HDAC9: variants seen among roughly 807,000 people sequenced by gnomAD.
HDAC9 encodes the protein histone deacetylase 9.
A neutral mutation model predicts 139.4 loss-of-function variants in HDAC9; 41 were observed. The observed-to-expected ratio is 0.29, with a 90% CI of 0.23 to 0.38. HDAC9 has a LOEUF of 0.38. Among genes scored for constraint, HDAC9 ranks in the 10% least tolerant of loss-of-function variants. HDAC9 has a pLI of 1.00. For synonymous variants in HDAC9, 517 were observed against 476.2 expected, an observed-to-expected ratio of 1.09 and a Z score of -1.12; for missense variants, 1,147 against 1,297.0, an observed-to-expected ratio of 0.88 and a Z score of 1.78.
chr7:18,509,279 T>G lies in HDAC9; in HGVS notation c.22+12955T>G, dbSNP rs532430564. The G allele has an allele frequency of 5.1e-5, 50 of 985,404 alleles. No individual in the cohort carries two copies. In the South Asian group the frequency reaches 2.2e-3, roughly 43 times the overall value. 61.0% of individuals were successfully genotyped at this position (985,404 alleles called of 1,614,324 possible). On this transcript the variant is annotated intron_variant, in intron 2 of 25. Transcript: ENST00000686413. Reference sequence around the variant, plus strand: ...GTTCTGGAGCTATTTTAATCTCCACTTAACTTCTGCCTTGTGGAAGGGGTG... The same window carrying G: ...GTTCTGGAGCTATTTTAATCTCCACGTAACTTCTGCCTTGTGGAAGGGGTG...
chr7:18,435,973 T>C (rs556670884), intron 1 of HDAC9, among the ~76,000 whole-genome samples: 114 of 149,640 alleles, frequency 7.6e-4, no homozygotes, highest in Middle Eastern at 3.6e-3. Context: ...TACATATATA[T>C]GAAATATATG....
In HDAC9 at chr7:18,568,813, C is replaced by T. The variant is rs192671872; in HGVS notation, c.23-16468C>T. On this transcript the variant is annotated intron_variant, in intron 2 of 25. Transcript: ENST00000686413. ...CTGTAATCCCAGAACTTTGGGAGGC[C>T]GAGGCGGGTGGATCACCTGAGGTTG... 7.0e-3 allele frequency among the ~76,000 whole-genome samples: 1,071 copies of T among 152,030 alleles called. 6 individuals carry two copies. The highest frequency in any genetic ancestry group is 0.02 in the East Asian group (103 of 5,154).
At chr7:18,724,847 T>C (rs1347735805) in intron 12 of HDAC9, among the ~76,000 whole-genome samples, 1 of 152,108 alleles carries the variant, frequency 6.6e-6, no homozygotes, top group Non-Finnish European at 1.5e-5. Context: ...GCTCAAGAAA[T>C]AGTTACTGCA....
At chr7:18,573,255 ATAAT>A (rs1355724142) in intron 2 of HDAC9, among the ~76,000 whole-genome samples, 1 of 152,256 alleles carries the variant, frequency 6.6e-6, no homozygotes, top group African/African-American at 2.4e-5. Context: ...ATCAATTTAA[ATAAT>A]TCTTGTTATA....
chr7:18,884,026 T>C (rs1046637138), intron 22 of HDAC9, among the ~76,000 whole-genome samples: 1 of 152,074 alleles, frequency 6.6e-6, no homozygotes, highest in Non-Finnish European at 1.5e-5. Context: ...AACTATAAAA[T>C]GTTGATGAAA....
rs549761034 is a variant in HDAC9, at chr7:18,607,286, G to A, written c.664+13257G>A. On this transcript the variant is annotated intron_variant, in intron 6 of 25. Coordinates refer to ENST00000686413, the MANE Select transcript of HDAC9 (RefSeq NM_178425.4). The stretch of plus-strand genomic sequence containing the variant: ...AAAATCTAACTCAAATATTTTGCTT[G>A]CAGAAAAGCTAAGGTAGCCTAGAAA... Among the ~76,000 whole-genome samples the A allele has an allele frequency of 2.0e-5, 3 of 152,304 alleles. No individual in the cohort carries two copies. The East Asian group carries it at 5.8e-4, about 29-fold the overall frequency.
At chr7:18,485,667 C>T (rs765411351) in intron 1 of HDAC9, among the ~76,000 whole-genome samples, 5 of 151,740 alleles carry the variant, frequency 3.3e-5, no homozygotes, top group Non-Finnish European at 5.9e-5. Context: ...ATATTGAGTG[C>T]TATTATGTTA....
chr7:18,894,559 G>A (rs1317275507), intron 22 of HDAC9, among the ~76,000 whole-genome samples: 1 of 152,140 alleles, frequency 6.6e-6, no homozygotes, highest in Non-Finnish European at 1.5e-5. Context: ...TTAAAAGCCT[G>A]ATTAGAGGAG....
At chr7:18,357,602 A>C (rs2065021416) in intron 1 of HDAC9, among the ~76,000 whole-genome samples, 1 of 151,684 alleles carries the variant, frequency 6.6e-6, no homozygotes. Context: ...AATTCTAAGA[A>C]AAAAAAGGTC....
rs1043314475 is a variant in HDAC9 at position 18,949,794 on chromosome 7, G to A, written c.2938-4352G>A. ...GGCACCCACTGTGGTGGGAGAGAAGGCGAATGGAGATAAATGACTCCTACT... is the reference window on the plus strand; with the variant it reads ...GGCACCCACTGTGGTGGGAGAGAAGACGAATGGAGATAAATGACTCCTACT... On this transcript the variant is annotated intron_variant, in intron 23 of 25. Transcript: ENST00000686413. The A allele has an allele frequency of 1.5e-4, 23 of 152,000 alleles. 1 individual carries two copies. The highest frequency in any genetic ancestry group is 5.6e-4 in the African/African-American group (23 of 41,410). The allele number at this position is 152,000 out of a possible 1,614,324, so 9.4% of individuals were successfully genotyped here. A position where few individuals can be genotyped will look rare whatever the true frequency, so the allele number is the denominator to read the frequency against.
At chr7:18,297,456 T>A (rs201571557) in intron 1 of HDAC9, among the ~76,000 whole-genome samples, 65 of 152,256 alleles carry the variant, frequency 4.3e-4, no homozygotes, top group Non-Finnish European at 6.2e-4. Context: ...TTGAGTTTGT[T>A]TTATTTTTCT....
chr7:18,859,834 A>ATGTGTGTGTG (rs1797967138), intron 21 of HDAC9, among the ~76,000 whole-genome samples: 2 of 128,096 alleles, frequency 1.6e-5, no homozygotes, highest in Non-Finnish European at 3.4e-5. Flanking sequence ...ATATATATAT[A>ATGTGTGTGTG]TATATATATA....
intron 22 of HDAC9, among the ~76,000 whole-genome samples, chr7:18,880,843 C>G (rs1799682019): frequency 7.2e-6 from 1 of 139,312 alleles, no homozygotes; most frequent in African/African-American, 2.7e-5. Context: ...TAATAGTTGC[C>G]GGGGGGGGGG....
intron 23 of HDAC9, among the ~76,000 whole-genome samples, chr7:18,942,450 A>G (rs1451312185): frequency 6.6e-6 from 1 of 152,052 alleles, no homozygotes; most frequent in Non-Finnish European, 1.5e-5. Context: ...ATGGAATATC[A>G]TAAGGAATTA....
At chr7:18,137,474 A>G (rs960671473) in intron 1 of HDAC9, among the ~76,000 whole-genome samples, 11 of 151,986 alleles carry the variant, frequency 7.2e-5, no homozygotes, top group East Asian at 1.9e-4. Flanking sequence ...TTTGAAATAC[A>G]TCCCATCATT....
At chr7:18,823,699 G>C (rs1585103522) in intron 17 of HDAC9, among the ~76,000 whole-genome samples, 1 of 152,164 alleles carries the variant, frequency 6.6e-6, no homozygotes, top group East Asian at 1.9e-4. Context: ...AGTGGAAGAG[G>C]CCAGGCACAG....
intron 12 of HDAC9, among the ~76,000 whole-genome samples, chr7:18,703,674 A>G (rs531469782): frequency 3.4e-4 from 51 of 152,078 alleles, no homozygotes; most frequent in African/African-American, 1.2e-3. Context: ...TTAGAAAACA[A>G]TGAAGAGAGA....
At position 18,193,388 on chromosome 7, in the gene HDAC9, G is replaced by A. The variant is rs552769006; in HGVS notation, c.25+31039G>A. 3.3e-5 allele frequency among the ~76,000 whole-genome samples: 5 copies of A among 152,256 alleles called. No individual in the cohort carries two copies. The East Asian group carries it at 7.7e-4, about 24-fold the overall frequency. On this transcript the variant is annotated intron_variant, in intron 2 of 12. Transcript: ENST00000417496. ...TTAGTATCAGGTATTTTAAAAGCTA[G>A]CCACTTACTTCCTTCTTTATGATAA...
At position 18,438,102 on chromosome 7, in the gene HDAC9, C is replaced by G; in HGVS notation, c.-41-58160C>G. Among the ~76,000 whole-genome samples, 2 of 149,336 alleles carry G rather than the reference C, an allele frequency of 1.3e-5. 1 individual carries two copies. The highest frequency in any genetic ancestry group is 4.2e-4 in the South Asian group (2 of 4,756). On this transcript the variant is annotated intron_variant, in intron 1 of 3. Transcript: ENST00000413509. ...TATATATAATAAATTTATTAGTTGG[C>G]TAAATATTTATATATTAAAAATAAA...
Sources: gnomAD v4.1 joint callset for allele counts (sites outside exome capture counted in the v4.1 genomes callset) on GRCh38, gnomAD v4.1.1 for gene constraint, MANE v1.5 for transcripts, NCBI Gene and HGNC (gene_info 2026-07-23, HGNC 2026-07-21) for gene names.